The following KATNIP variants were observed in gnomAD, a reference collection of about 807,000 sequenced individuals.
KATNIP encodes the protein katanin interacting protein, also known as katanin-interacting protein.
In KATNIP, 126 loss-of-function variants were observed where a neutral mutation model predicts 174.0. The ratio of observed to expected loss-of-function variants is 0.72; its 90% confidence interval spans 0.63 to 0.84. The LOEUF (loss-of-function observed/expected upper bound fraction) is 0.84. KATNIP is among the 40% of genes least tolerant of loss of function. KATNIP has a pLI of 0.00. For synonymous variants in KATNIP, 810 were observed against 835.7 expected (o/e 0.97, Z 0.53); for missense variants, 1,958 against 2,109.7 (o/e 0.93, Z 1.41).
intron 1 of KATNIP, among the ~76,000 whole-genome samples, chr16:27,561,445 C>T (rs1457571000): frequency 6.6e-6 from 1 of 152,168 alleles, no homozygotes; most frequent in Non-Finnish European, 1.5e-5. Flanking sequence ...CATTAGCATT[C>T]CTGTCCTGGC....
At chr16:27,726,922 T>C (rs2080473975) in intron 14 of KATNIP, among the ~76,000 whole-genome samples, 1 of 152,214 alleles carries the variant, frequency 6.6e-6, no homozygotes, top group Non-Finnish European at 1.5e-5. Flanking sequence ...CCAGATCCTG[T>C]GGGCCAGCAG....
intron 2 of KATNIP, among the ~76,000 whole-genome samples, chr16:27,576,631 A>G (rs981429628): frequency 6.6e-6 from 1 of 151,852 alleles, no homozygotes; most frequent in African/African-American, 2.4e-5. Flanking sequence ...AATTATTAAA[A>G]ACAAAAAAAC....
At chr16:27,690,367 A>AGATAGATAGATAGAT (rs2078686436) in intron 8 of KATNIP, among the ~76,000 whole-genome samples, 4 of 142,346 alleles carry the variant, frequency 2.8e-5, no homozygotes, top group Non-Finnish European at 4.6e-5. Context: ...GATAGATGAT[A>AGATAGATAGATAGAT]GATAGATAGA....
At chr16:27,656,805 G>T (rs998294898) in intron 6 of KATNIP, among the ~76,000 whole-genome samples, 1 of 117,706 alleles carries the variant, frequency 8.5e-6, no homozygotes, top group East Asian at 3.1e-4. Flanking sequence ...GGGGAGGGGG[G>T]AGGGATAGCA....
At chr16:27,728,151 G>A (rs2080523676) in intron 14 of KATNIP, among the ~76,000 whole-genome samples, 1 of 152,290 alleles carries the variant, frequency 6.6e-6, no homozygotes, top group African/African-American at 2.4e-5. Flanking sequence ...GGGGGCCCGG[G>A]AAGTATGACG....
chr16:27,561,390 C>G (rs2089877982), intron 1 of KATNIP, among the ~76,000 whole-genome samples: 1 of 152,136 alleles, frequency 6.6e-6, no homozygotes, highest in Admixed American at 6.6e-5. Flanking sequence ...TATTCCCGCT[C>G]CTAGCTTCCT....
At position 27,770,009 on chromosome 16, in the gene KATNIP, C is replaced by A. The variant is rs376364596; in HGVS notation, c.4124C>A (p.Pro1375Gln). The A allele has an allele frequency of 3.1e-6, 5 of 1,613,446 alleles. No individual in the cohort carries two copies. The highest frequency in any genetic ancestry group is 4.2e-6 in the Non-Finnish European group (5 of 1,179,526). The change falls in exon 21 of 28, where the codon CCG (proline) becomes CAG (glutamine). Residue 1375 changes from proline (P) to glutamine (Q), a missense_variant. Around this residue, in one of 3 missense-constraint regions of KATNIP, gnomAD observed 383 missense variants for 456.0 expected, o/e 0.84. Transcript: ENST00000261588. Reference protein sequence around the residue: ...DYLRAQLLPQPARRLDMRSLE... With the variant: ...DYLRAQLLPQQARRLDMRSLE... The stretch of plus-strand genomic sequence containing the variant: ...CTACGGGCTCAGCTGCTGCCCCAGC[C>A]GGCCAGGAGGTGAGGAGAAAGTGGG...
At chr16:27,555,166 T>C (rs1416887174) in intron 1 of KATNIP, among the ~76,000 whole-genome samples, 1 of 152,200 alleles carries the variant, frequency 6.6e-6, no homozygotes, top group Non-Finnish European at 1.5e-5. Context: ...CTTATTGTGA[T>C]TCTAACTAAC....
At chr16:27,669,240 T>C in intron 6 of KATNIP, 1 of 980,480 alleles carries the variant, frequency 1.0e-6, no homozygotes, top group African/African-American at 1.7e-5. Context: ...AAACCCCTGC[T>C]GCATTTCAGT....
chr16:27,648,817 C>G, intron 6 of KATNIP, 82 bp downstream of exon 6: 2 of 1,457,194 alleles, frequency 1.4e-6, no homozygotes, highest in East Asian at 4.9e-5. Flanking sequence ...GGGGCACTTT[C>G]TGACAGTTAT....
At chr16:27,676,644 C>G (rs936675699) in intron 6 of KATNIP, among the ~76,000 whole-genome samples, 2 of 152,088 alleles carry the variant, frequency 1.3e-5, no homozygotes, top group African/African-American at 4.8e-5. Context: ...GCTGACCAAA[C>G]ATACTGGTTT....
At chr16:27,571,157 T>G (rs1045437440) in intron 1 of KATNIP, among the ~76,000 whole-genome samples, 1 of 152,066 alleles carries the variant, frequency 6.6e-6, no homozygotes, top group African/African-American at 2.4e-5. Context: ...CTCTGCCTCT[T>G]GAGTAGCTGG....
At chr16:27,702,996 A>G (rs2079156708) in intron 11 of KATNIP, among the ~76,000 whole-genome samples, 2 of 152,182 alleles carry the variant, frequency 1.3e-5, no homozygotes, top group Non-Finnish European at 1.5e-5. Flanking sequence ...GCGAAAACCC[A>G]TCTCTACTAA....
In KATNIP at chr16:27,731,006, C is replaced by T. The variant is rs76294400; in HGVS notation, c.1744-9035C>T. Among the ~76,000 whole-genome samples, 532 of 152,292 alleles carry T rather than the reference C, an allele frequency of 3.5e-3. 4 individuals are homozygous for T. The highest frequency in any genetic ancestry group is 0.012 in the African/African-American group (483 of 41,568). On this transcript the variant is annotated intron_variant, in intron 14 of 27. Coordinates refer to ENST00000261588, the MANE Select transcript of KATNIP (RefSeq NM_015202.5). Reference sequence around the variant, plus strand: ...TACATCTTTCAGCTCACAGACCCCCCGTGGCTGCGGTGCCACTAGCATTTG... The same window carrying T: ...TACATCTTTCAGCTCACAGACCCCCTGTGGCTGCGGTGCCACTAGCATTTG...
chr16:27,614,038 C>T (rs901422720), intron 2 of KATNIP, among the ~76,000 whole-genome samples: 4 of 152,156 alleles, frequency 2.6e-5, no homozygotes, highest in African/African-American at 7.2e-5. Flanking sequence ...TCCTCAGCCT[C>T]CCACATAGCT....
chr16:27,554,784 T>G (rs997138469), intron 1 of KATNIP, among the ~76,000 whole-genome samples: 4 of 141,696 alleles, frequency 2.8e-5, no homozygotes, highest in Non-Finnish European at 6.0e-5. Context: ...AAACTTTGAT[T>G]TACACTTTTT....
At chr16:27,572,349 AG>A (rs1399942583) in intron 1 of KATNIP, among the ~76,000 whole-genome samples, 3 of 138,306 alleles carry the variant, frequency 2.2e-5, no homozygotes, top group African/African-American at 8.0e-5. Context: ...CTTTGTCTTA[AG>A]GCAAAAAAGA....
intron 2 of KATNIP, among the ~76,000 whole-genome samples, chr16:27,608,416 T>TG (rs1450566439): frequency 1.4e-5 from 2 of 145,318 alleles, no homozygotes; most frequent in East Asian, 4.0e-4. Flanking sequence ...TTTTTTTTTT[T>TG]TTTGTATTTT....
chr16:27,578,200 G>A (rs889891754), intron 2 of KATNIP, among the ~76,000 whole-genome samples: 8 of 152,002 alleles, frequency 5.3e-5, no homozygotes, highest in African/African-American at 1.9e-4. Context: ...AGGCGTGGTG[G>A]TACATGCCTG....
Sources: allele counts gnomAD v4.1 joint callset (sites outside exome capture counted in the v4.1 genomes callset), GRCh38; gene constraint gnomAD v4.1.1; regional missense constraint gnomAD v4.1.1; transcripts MANE v1.5; gene names NCBI Gene and HGNC (gene_info 2026-07-23, HGNC 2026-07-21).